The following GATA6 variants were observed in gnomAD, a reference collection of about 807,000 sequenced individuals.
The protein encoded by GATA6 is GATA binding protein 6.
A neutral mutation model predicts 48.1 loss-of-function variants in GATA6; 11 were observed. The ratio of observed to expected loss-of-function variants is 0.23; its 90% CI spans 0.14 to 0.38. The LOEUF is 0.38. Among genes scored for constraint, GATA6 ranks in the 10% least tolerant of loss-of-function variants. The pLI, the probability that GATA6 is intolerant of heterozygous loss-of-function variation, is 1.00. For missense variants in GATA6, 795 were observed against 850.3 expected, an observed-to-expected ratio of 0.93 and a Z score of 0.81; for synonymous variants, 419 against 396.1, an observed-to-expected ratio of 1.06 and a Z score of -0.69.
chr18:22,185,070 T>C lies in GATA6; in HGVS notation c.1620+2027T>C, dbSNP rs943036283. On this transcript the variant is annotated intron_variant, in intron 6 of 6. Coordinates refer to ENST00000269216, the MANE Select transcript of GATA6 (RefSeq NM_005257.6). This position sits in a 1 kb window ranked among gnomAD's most constrained non-coding sequence, Gnocchi z 4.3. ...TTGTGGGTGGAGTCTTGTGATTTTG[T>C]GACGTAAAATTTCAAAATTTGCTAT... Among the ~76,000 whole-genome samples, 1 of 152,236 alleles carries C rather than the reference T, an allele frequency of 6.6e-6. No individual in the cohort carries two copies. Among genetic ancestry groups the C allele is most frequent in the Admixed American group, 6.5e-5 (1 of 15,286 alleles).
chr18:22,177,944 GTTTTTTTGTTTTTTTT>G (rs1437638550), intron 3 of GATA6, among the ~76,000 whole-genome samples: 4 of 77,886 alleles, frequency 5.1e-5, no homozygotes, highest in South Asian at 4.1e-4. Context: ...ACGTTTTACT[GTTTTTTTGTTTTTTTT>G]TTTTTTTTTT....
At position 22,172,772 on chromosome 18, in the gene GATA6, G is replaced by A. The variant is rs1161245383; in HGVS notation, c.1135+493G>A. Among the ~76,000 whole-genome samples the A allele has an allele frequency of 6.6e-6, 1 of 152,172 alleles. No individual in the cohort carries two copies. Among genetic ancestry groups the A allele is most frequent in the Non-Finnish European group, 1.5e-5 (1 of 68,030 alleles). ...GCTCACCCAGTTTAACTCTCCAAAGGGTGCGTGTTTGTGTTTTCCTAGAGA... is the reference window on the plus strand; with the variant it reads ...GCTCACCCAGTTTAACTCTCCAAAGAGTGCGTGTTTGTGTTTTCCTAGAGA... On this transcript the variant is annotated intron_variant, in intron 2 of 6. Coordinates refer to ENST00000269216, the MANE Select transcript of GATA6 (RefSeq NM_005257.6). The surrounding 1 kb of genome is among the most constrained non-coding windows in gnomAD (Gnocchi z 5.2).
chr18:22,191,397 A>G (rs1224224966), intron 6 of GATA6, among the ~76,000 whole-genome samples: 2 of 150,940 alleles, frequency 1.3e-5, no homozygotes. Context: ...AATATACAAA[A>G]TTGTCAGAAA....
intron 2 of GATA6, among the ~76,000 whole-genome samples, chr18:22,173,156 G>A (rs936284938): frequency 1.3e-5 from 2 of 152,184 alleles, no homozygotes; most frequent in African/African-American, 4.8e-5. Flanking sequence ...AAAAATACCT[G>A]GAAATACCTC....
In GATA6 at chr18:22,171,450, C is replaced by T. The variant is rs780166588; in HGVS notation, c.306C>T (p.Pro102=). The T allele has an allele frequency of 6.9e-6, 11 of 1,596,172 alleles. No individual in the cohort carries two copies. The East Asian group carries it at 2.5e-4, about 36-fold the overall frequency. Residue 102 remains proline (P), a synonymous_variant, in exon 2 of 7, where the codon CCC becomes CCT. Transcript: ENST00000269216. This position sits in a 1 kb window ranked among gnomAD's most constrained non-coding sequence, Gnocchi z 7.1. ...CTTCGGCGCCTGGGGTCGCGGGCCC[C>T]GGGGGCAACCTGTCGAGCTGGGAGG... ...HGPSAPGVAG[P]GGNLSSWEDL...
rs1376900662 is a variant in GATA6 at position 22,171,237 on chromosome 18, G to T, written c.93G>T (p.Glu31Asp). 2.5e-6 allele frequency: 4 copies of T among 1,598,592 alleles called. No homozygotes were observed. The highest frequency in any genetic ancestry group is 2.5e-6 in the Non-Finnish European group (3 of 1,179,044). The change falls in exon 2 of 7, where the codon GAG (glutamate) becomes GAT (aspartate). Residue 31 changes from glutamate to aspartate, a missense_variant. Coordinates refer to ENST00000269216, the MANE Select transcript of GATA6 (RefSeq NM_005257.6). The surrounding 1 kb of genome is among the most constrained non-coding windows in gnomAD (Gnocchi z 7.1). Reference protein sequence around the residue: ...ASDSRAFPAREPSTPPSPISS... With the variant: ...ASDSRAFPARDPSTPPSPISS... ...ACTCCAGAGCCTTTCCAGCGCGGGA[G>T]CCCTCCACGCCGCCTTCCCCCATCT...
In GATA6 at chr18:22,172,382, C is replaced by A; in HGVS notation, c.1135+103C>A. 1 of 1,460,022 alleles carries A rather than the reference C, an allele frequency of 6.8e-7. No individual in the cohort carries two copies. The highest frequency in any genetic ancestry group is 9.0e-7 in the Non-Finnish European group (1 of 1,105,780). 90.4% of individuals were successfully genotyped at this position (1,460,022 alleles called of 1,614,324 possible). A position where few individuals can be genotyped will look rare whatever the true frequency, so the allele number is the denominator to read the frequency against. ...TCGGGCCCTGTTTTCAGGACTTTCT[C>A]GTCCGGGTGCGCGGAGGTCGGCCTG... On this transcript the variant is annotated intron_variant, in intron 2 of 6. Coordinates refer to ENST00000269216, the MANE Select transcript of GATA6 (RefSeq NM_005257.6). This position sits in a 1 kb window ranked among gnomAD's most constrained non-coding sequence, Gnocchi z 5.2.
At chr18:22,189,481 GA>G (rs1189692255) in intron 6 of GATA6, among the ~76,000 whole-genome samples, 1 of 152,038 alleles carries the variant, frequency 6.6e-6, no homozygotes, top group Non-Finnish European at 1.5e-5. Context: ...TCAAGTAATG[GA>G]ATTTTTTTTT....
rs1309537559 is a variant in GATA6 at position 22,188,405 on chromosome 18, ATTAG to A, written c.1620+5367_1620+5370del. Among the ~76,000 whole-genome samples the A allele has an allele frequency of 5.3e-5, 8 of 152,224 alleles. No homozygotes were observed. The East Asian group carries it at 1.3e-3, about 26-fold the overall frequency. ...GCTCCGCAGAGTAGAGGAAATTAAA[ATTAG>A]TTAGGATTTTTGCAGGGGAAAAATT... is the stretch of plus-strand genomic sequence containing the variant. On this transcript the variant is annotated intron_variant, in intron 6 of 6. Transcript: ENST00000269216.
chr18:22,183,855 G>C (rs1344880903), intron 6 of GATA6, among the ~76,000 whole-genome samples: 1 of 152,222 alleles, frequency 6.6e-6, no homozygotes, highest in Non-Finnish European at 1.5e-5. Context: ...CAGGGCCTGC[G>C]GCAAGCAGGA....
chr18:22,181,779 A>G (rs773280274), intron 4 of GATA6, among the ~76,000 whole-genome samples: 2 of 152,238 alleles, frequency 1.3e-5, no homozygotes, highest in African/African-American at 4.8e-5. Context: ...TATAATATGA[A>G]ATATTACCTT....
At chr18:22,177,197 C>G (rs1567995876) in intron 3 of GATA6, 76 bp downstream of exon 3, 1 of 1,399,636 alleles carries the variant, frequency 7.1e-7, no homozygotes. Context: ...CGCCCTGGCT[C>G]GGCCTGCCTT....
intron 2 of GATA6, chr18:22,176,741 C>T (rs1237796585): frequency 3.6e-6 from 2 of 548,536 alleles, no homozygotes; most frequent in South Asian, 2.2e-5. Context: ...TGGGGCGCTC[C>T]GGGTGTGCAG....
chr18:22,193,958 G>A (rs1173950407), intron 6 of GATA6, among the ~76,000 whole-genome samples: 2 of 152,028 alleles, frequency 1.3e-5, no homozygotes, highest in South Asian at 2.1e-4. Context: ...TGGGATGTGC[G>A]AAATGAAGGA....
At chr18:22,180,438 A>G (rs1422307034) in intron 3 of GATA6, among the ~76,000 whole-genome samples, 1 of 152,214 alleles carries the variant, frequency 6.6e-6, no homozygotes, top group Non-Finnish European at 1.5e-5. Context: ...TGGGAGTGAC[A>G]GTGGCAGACA....
chr18:22,170,960 A>T lies in GATA6; in HGVS notation c.-37-148A>T. On this transcript the variant is annotated intron_variant, in intron 1 of 6. Transcript: ENST00000269216. The surrounding 1 kb of genome is among the most constrained non-coding windows in gnomAD (Gnocchi z 6.7). ...TGATCTCCACGCCCGGGGCAGAAAT[A>T]GGATCTTTGAGAAGTCTCAAATGGG... The T allele has an allele frequency of 1.6e-6, 1 of 620,060 alleles. No individual in the cohort carries two copies. Among genetic ancestry groups the T allele is most frequent in the Admixed American group, 2.6e-5 (1 of 38,986 alleles). The allele number at this position is 620,060 out of a possible 1,614,324, so 38.4% of individuals were successfully genotyped here.
intron 6 of GATA6, among the ~76,000 whole-genome samples, chr18:22,187,339 G>C (rs1315274390): frequency 6.6e-6 from 1 of 152,046 alleles, no homozygotes; most frequent in African/African-American, 2.4e-5. Context: ...ACTTAGCCAG[G>C]CACGGTGGCG....
intron 6 of GATA6, among the ~76,000 whole-genome samples, chr18:22,188,750 C>CA (rs763512984): frequency 4.6e-5 from 7 of 152,128 alleles, no homozygotes; most frequent in Non-Finnish European, 8.8e-5. Flanking sequence ...AGTTTACAAG[C>CA]AGAGTTTCCT....
In GATA6 at chr18:22,171,314, C is replaced by A. The variant is rs768396712; in HGVS notation, c.170C>A (p.Ala57Asp). 1 of 1,589,002 alleles carries A rather than the reference C, an allele frequency of 6.3e-7. No homozygotes were observed. The highest frequency in any genetic ancestry group is 1.1e-5 in the South Asian group (1 of 90,150). ...GGCGGAGAGCGGGGCCCCGGCGGCG[C>A]CAGCAACTGCGGGACGCCTCAGCTC... The part of the protein sequence containing the change: ...SRGGERGPGG[A>D]SNCGTPQLDT... Residue 57 changes from alanine to aspartate, a missense_variant, in exon 2 of 7, where the codon GCC becomes GAC. By Grantham distance (126) the Ala-to-Asp change is moderately radical. Coordinates refer to ENST00000269216, the MANE Select transcript of GATA6 (RefSeq NM_005257.6). The surrounding 1 kb of genome is among the most constrained non-coding windows in gnomAD (Gnocchi z 7.1).
Sources: gnomAD v4.1 joint callset for allele counts (sites outside exome capture counted in the v4.1 genomes callset) on GRCh38, gnomAD v4.1.1 for gene constraint, Gnocchi (gnomAD v3.1) non-coding constraint, MANE v1.5 for transcripts, NCBI Gene and HGNC (gene_info 2026-07-23, HGNC 2026-07-21) for gene names.